Variants in EFCAB6 observed in about 807,000 individuals in gnomAD.
EFCAB6 encodes the protein EF-hand calcium-binding domain-containing protein 6.
Under a neutral mutation model 169.8 loss-of-function variants are expected in EFCAB6, and 156 were observed. The observed-to-expected ratio is 0.92, with a 90% CI of 0.81 to 1.05. EFCAB6 has a LOEUF of 1.05. Among genes scored for constraint, EFCAB6 ranks in the 50% least tolerant of loss-of-function variants. The pLI, the probability that EFCAB6 is intolerant of heterozygous loss-of-function variation, is 0.00. For missense variants in EFCAB6, 1,800 were observed against 1,829.1 expected, an observed-to-expected ratio of 0.98 and a Z score of 0.29; for synonymous variants, 698 against 676.4, an observed-to-expected ratio of 1.03 and a Z score of -0.50.
chr22:43,592,071 T>C (rs1439805565), intron 23 of EFCAB6, among the ~76,000 whole-genome samples: 2 of 152,182 alleles, frequency 1.3e-5, no homozygotes, highest in East Asian at 3.8e-4. Flanking sequence ...GTCTACCACT[T>C]GAGGTACGTA....
intron 17 of EFCAB6, among the ~76,000 whole-genome samples, chr22:43,662,519 T>G (rs2057055519): frequency 6.6e-6 from 1 of 152,114 alleles, no homozygotes; most frequent in South Asian, 2.1e-4. Context: ...AACCTGAAGT[T>G]TGTGACACAG....
intron 9 of EFCAB6, among the ~76,000 whole-genome samples, chr22:43,714,274 T>C (rs1343111826): frequency 6.6e-6 from 1 of 151,828 alleles, no homozygotes; most frequent in African/African-American, 2.4e-5. Context: ...AGATGACAGC[T>C]ATGAAGGAGA....
chr22:43,725,626 A>G (rs1457467953), intron 8 of EFCAB6, among the ~76,000 whole-genome samples: 1 of 152,208 alleles, frequency 6.6e-6, no homozygotes, highest in Non-Finnish European at 1.5e-5. Flanking sequence ...ACCCAGAAAG[A>G]ATATGCTGAC....
chr22:43,748,948 G>C (rs1372210346), intron 6 of EFCAB6, among the ~76,000 whole-genome samples: 1 of 152,150 alleles, frequency 6.6e-6, no homozygotes, highest in Non-Finnish European at 1.5e-5. Context: ...GATAACTCTG[G>C]CTGTTGTGTG....
intron 22 of EFCAB6, among the ~76,000 whole-genome samples, chr22:43,602,420 C>G (rs1020043640): frequency 1.3e-5 from 2 of 152,224 alleles, no homozygotes; most frequent in African/African-American, 2.4e-5. Flanking sequence ...GCGCCTCCAG[C>G]AAGGGCTTCC....
At chr22:43,811,364 G>GGGAA (rs1479385982) in intron 1 of EFCAB6, among the ~76,000 whole-genome samples, 1 of 107,758 alleles carries the variant, frequency 9.3e-6, no homozygotes, top group African/African-American at 3.3e-5. Flanking sequence ...GGGAAGAAAG[G>GGGAA]GGAAGGGAAG....
At chr22:43,706,694 G>A (rs144643403) in intron 10 of EFCAB6, among the ~76,000 whole-genome samples, 61 of 152,306 alleles carry the variant, frequency 4.0e-4, no homozygotes, top group African/African-American at 1.3e-3. Context: ...CCAATCAAAC[G>A]CAGCTCTTTT....
At chr22:43,701,602 A>C (rs1011750976) in intron 10 of EFCAB6, among the ~76,000 whole-genome samples, 1 of 143,734 alleles carries the variant, frequency 7.0e-6, no homozygotes, top group Non-Finnish European at 1.5e-5. Context: ...AGACACTAAA[A>C]ACAATGGAGG....
intron 8 of EFCAB6, among the ~76,000 whole-genome samples, chr22:43,724,367 C>CTTTTT (rs58226287): frequency 2.8e-5 from 3 of 107,902 alleles, no homozygotes; most frequent in Non-Finnish European, 1.9e-5. Flanking sequence ...TTTCTTTTTT[C>CTTTTT]TTTTTTTTTT....
At chr22:43,731,323 A>T (rs2059940066) in intron 8 of EFCAB6, among the ~76,000 whole-genome samples, 1 of 152,210 alleles carries the variant, frequency 6.6e-6, no homozygotes, top group African/African-American at 2.4e-5. Flanking sequence ...AAAGAAAAAA[A>T]GTTGAAAATA....
At chr22:43,666,694 T>TTGG (rs1433833011) in intron 17 of EFCAB6, among the ~76,000 whole-genome samples, 1 of 111,746 alleles carries the variant, frequency 8.9e-6, no homozygotes. Flanking sequence ...CCAGATTGTT[T>TTGG]TTTTTTTTTT....
At chr22:43,793,565 C>T (rs1449472943) in intron 2 of EFCAB6, among the ~76,000 whole-genome samples, 1 of 124,116 alleles carries the variant, frequency 8.1e-6, no homozygotes, top group African/African-American at 3.1e-5. Context: ...CACCATTTAA[C>T]TCAGAATGTT....
rs202101114 is a variant in EFCAB6, at chr22:43,666,700, T to TTTTG, written c.1983+403_1983+404insCAAA. The stretch of plus-strand genomic sequence containing the variant: ...ATTTCACTGCCAGATTGTTTTTTTT[T>TTTTG]TTTTTTTTTTTTTTTCATTCTAGAG... On this transcript the variant is annotated intron_variant, in intron 17 of 31. Transcript: ENST00000262726. Among the ~76,000 whole-genome samples the TTTTG allele has an allele frequency of 4.0e-3, 564 of 139,264 alleles. 6 individuals are homozygous for TTTTG. The highest frequency in any genetic ancestry group is 0.014 in the African/African-American group (471 of 34,760). The allele number at this position is 139,264 out of a possible 152,430, so 91.4% of individuals were successfully genotyped here.
intron 18 of EFCAB6, among the ~76,000 whole-genome samples, chr22:43,634,287 G>A (rs879865593): frequency 3.9e-5 from 6 of 152,050 alleles, no homozygotes; most frequent in African/African-American, 7.2e-5. Flanking sequence ...ATTCTAAAAC[G>A]CTCTGGCTTC....
At chr22:43,614,527 G>A (rs1410744221) in intron 21 of EFCAB6, among the ~76,000 whole-genome samples, 1 of 152,120 alleles carries the variant, frequency 6.6e-6, no homozygotes, top group Non-Finnish European at 1.5e-5. Context: ...TGAAACTCTC[G>A]TAAGACGGCA....
chr22:43,574,027 T>C (rs1284175277), intron 26 of EFCAB6, among the ~76,000 whole-genome samples: 1 of 152,200 alleles, frequency 6.6e-6, no homozygotes, highest in African/African-American at 2.4e-5. Flanking sequence ...TTCCTATCCC[T>C]TGACTCCAGT....
intron 2 of EFCAB6, among the ~76,000 whole-genome samples, chr22:43,799,359 A>AC (rs56760893): frequency 2.0e-5 from 3 of 151,436 alleles, no homozygotes; most frequent in Non-Finnish European, 4.4e-5. Flanking sequence ...ACACACACAC[A>AC]AACATGTACA....
At position 43,595,523 on chromosome 22, in the gene EFCAB6, A is replaced by G. The variant is rs182262696; in HGVS notation, c.2876+4546T>C. 3.9e-5 allele frequency among the ~76,000 whole-genome samples: 6 copies of G among 152,150 alleles called. No individual in the cohort carries two copies. The East Asian group carries it at 1.2e-3, about 29-fold the overall frequency. On this transcript the variant is annotated intron_variant, in intron 23 of 31. Coordinates refer to ENST00000262726, the MANE Select transcript of EFCAB6 (RefSeq NM_022785.4). ...CAAATGGGAAAACCTAGAAGTGGGT[A>G]AATTCCTACCAAGATTGAACCATGA...
intron 6 of EFCAB6, among the ~76,000 whole-genome samples, chr22:43,736,260 A>G (rs148956081): frequency 1.3e-5 from 2 of 152,336 alleles, no homozygotes; most frequent in East Asian, 3.9e-4. Flanking sequence ...TCTCATACAC[A>G]ATTCATTCCC....
Sources: gnomAD v4.1 joint callset for allele counts (sites outside exome capture counted in the v4.1 genomes callset) on GRCh38, gnomAD v4.1.1 for gene constraint, MANE v1.5 for transcripts, NCBI Gene and HGNC (gene_info 2026-07-23, HGNC 2026-07-21) for gene names.